STAB2: variants seen among roughly 807,000 people sequenced by gnomAD.
STAB2 encodes the protein stabilin 2, also known as stabilin-2.
STAB2 carries 288 observed loss-of-function variants against 338.1 expected under a neutral mutation model. The observed-to-expected ratio is 0.85, with a 90% CI of 0.77 to 0.94. The LOEUF (loss-of-function observed/expected upper bound fraction) is 0.94, where lower values mean the gene tolerates loss of function less well. Among genes scored for constraint, STAB2 ranks in the 40% least tolerant of loss-of-function variants. The pLI, the probability that STAB2 is intolerant of heterozygous loss-of-function variation, is 0.00. For synonymous variants in STAB2, 1,202 were observed against 1,193.3 expected (o/e 1.01, Z -0.15); for missense variants, 3,141 against 3,210.1 (o/e 0.98, Z 0.52).
intron 2 of STAB2, 43 bp downstream of exon 2, chr12:103,591,073 T>G: frequency 6.2e-7 from 1 of 1,609,758 alleles, no homozygotes; most frequent in Non-Finnish European, 8.5e-7. Context: ...TGAATCCAAC[T>G]TGAAGCTCCC....
intron 5 of STAB2, among the ~76,000 whole-genome samples, chr12:103,627,570 C>A (rs1274583751): frequency 6.6e-6 from 1 of 152,254 alleles, no homozygotes; most frequent in Admixed American, 6.5e-5. Flanking sequence ...CCACTTACGT[C>A]TCCTTCCCAA....
intron 49 of STAB2, 43 bp from the exon 50 acceptor site, chr12:103,731,533 T>G: frequency 6.2e-7 from 1 of 1,602,426 alleles, no homozygotes; most frequent in Non-Finnish European, 8.5e-7. Flanking sequence ...CCTCTTAAAC[T>G]GTATAAGGAA....
chr12:103,676,000 T>C lies in STAB2; in HGVS notation c.2625T>C (p.Thr875=). The change falls in exon 24 of 69, where the codon ACT becomes ACC. Residue 875 remains threonine (T), a synonymous_variant. Transcript: ENST00000388887. The stretch of plus-strand genomic sequence containing the variant: ...AGATGGACCCTTGCACAGGACTAAC[T>C]CCAGGAGGCTGTAGCCGCAATGTGA... ...CSEMDPCTGL[T]PGGCSRNAEC... The C allele has an allele frequency of 6.2e-7, 1 of 1,608,708 alleles. No individual in the cohort carries two copies. The highest frequency in any genetic ancestry group is 8.5e-7 in the Non-Finnish European group (1 of 1,177,982).
chr12:103,725,156 G>T, intron 45 of STAB2, 62 bp downstream of exon 45: 1 of 1,587,394 alleles, frequency 6.3e-7, no homozygotes, highest in Non-Finnish European at 8.6e-7. Context: ...AAGAATCCAG[G>T]TAGCTAAGGA....
chr12:103,625,820 T>C (rs1042436177), intron 5 of STAB2, among the ~76,000 whole-genome samples: 2 of 152,186 alleles, frequency 1.3e-5, no homozygotes. Context: ...AATAAACATG[T>C]GTGTGCATGT....
At position 103,667,729 on chromosome 12, in the gene STAB2, C is replaced by T. The variant is rs570149897; in HGVS notation, c.2086-914C>T. Among the ~76,000 whole-genome samples the T allele has an allele frequency of 2.6e-5, 4 of 152,254 alleles. No individual in the cohort carries two copies. The East Asian group carries it at 7.7e-4, about 29-fold the overall frequency. ...AGCTAATATTTTAGGATTTTATAGC[C>T]TAGGAAAGTCTCATTGCCCTCTTCT... On this transcript the variant is annotated intron_variant, in intron 19 of 68. Coordinates refer to ENST00000388887, the MANE Select transcript of STAB2 (RefSeq NM_017564.10).
intron 5 of STAB2, among the ~76,000 whole-genome samples, chr12:103,629,975 G>C (rs2138661492): frequency 6.6e-6 from 1 of 152,306 alleles, no homozygotes; most frequent in Non-Finnish European, 1.5e-5. Context: ...AAATAAAGTG[G>C]TGAAAGATGA....
At chr12:103,605,178 T>A (rs527533000) in intron 3 of STAB2, among the ~76,000 whole-genome samples, 1 of 152,096 alleles carries the variant, frequency 6.6e-6, no homozygotes, top group Non-Finnish European at 1.5e-5. Context: ...TTTCCAAATA[T>A]GTTTCTTTTA....
intron 25 of STAB2, among the ~76,000 whole-genome samples, chr12:103,682,158 GAT>G (rs1876971003): frequency 1.8e-5 from 1 of 54,480 alleles, no homozygotes; most frequent in Non-Finnish European, 4.2e-5. Context: ...CTGATGGGAA[GAT>G]GGGAAGATGG....
chr12:103,759,502 G>T (rs1284775454), intron 65 of STAB2, among the ~76,000 whole-genome samples: 2 of 152,204 alleles, frequency 1.3e-5, no homozygotes, highest in African/African-American at 2.4e-5. Context: ...GAAGGATAAT[G>T]AACCCATTTT....
chr12:103,740,513 G>C, intron 54 of STAB2, 117 bp from the exon 55 acceptor site: 1 of 1,418,718 alleles, frequency 7.0e-7, no homozygotes, highest in Non-Finnish European at 9.3e-7. Context: ...GCTCACACTG[G>C]AAGTCCCATT....
In STAB2 at chr12:103,662,875, G is replaced by T. The variant is rs771707659; in HGVS notation, c.1899G>T (p.Met633Ile). Residue 633 changes from methionine (M) to isoleucine (I), a missense_variant, in exon 18 of 69, where the codon ATG becomes ATT. By Grantham distance (10) the Met-to-Ile change is conservative. Coordinates refer to ENST00000388887, the MANE Select transcript of STAB2 (RefSeq NM_017564.10). ...AGATTCTGGCAAATGATGTGGCAAT[G>T]GAAGAAATTGAGATCACTGCCAAAA... ...NGQILANDVA[M>I]EEIEITAKNG... 1.2e-6 allele frequency: 2 copies of T among 1,614,028 alleles called. No individual in the cohort carries two copies. Among genetic ancestry groups the T allele is most frequent in the East Asian group, 4.5e-5 (2 of 44,896 alleles).
At position 103,734,966 on chromosome 12, in the gene STAB2, A is replaced by G. The variant is rs1881992231; in HGVS notation, c.5461-525A>G. Among the ~76,000 whole-genome samples the G allele has an allele frequency of 2.0e-5, 3 of 152,110 alleles. No individual in the cohort carries two copies. The South Asian group carries it at 6.2e-4, about 31-fold the overall frequency. On this transcript the variant is annotated intron_variant, in intron 51 of 68. Transcript: ENST00000388887. ...GTGTGTTTCTGTGCCTTCACGTAGC[A>G]TTTGCCTCTTCTTTCTTATAAGAAC...
chr12:103,618,370 G>A (rs1422956261), intron 3 of STAB2, among the ~76,000 whole-genome samples: 1 of 152,158 alleles, frequency 6.6e-6, no homozygotes, highest in Non-Finnish European at 1.5e-5. Flanking sequence ...CACAGAATCT[G>A]CCAGAACCTC....
intron 63 of STAB2, among the ~76,000 whole-genome samples, chr12:103,756,654 G>A (rs924124214): frequency 3.3e-5 from 5 of 152,128 alleles, no homozygotes; most frequent in Admixed American, 6.6e-5. Flanking sequence ...TTTCGAGTAC[G>A]GAACAAGGAC....
rs555551025 is a variant in STAB2, at chr12:103,669,346, G to A, written c.2173-195G>A. 1.7e-4 allele frequency: 97 copies of A among 584,272 alleles called. No homozygotes were observed. In the East Asian group the frequency reaches 2.7e-3, roughly 16 times the overall value. The allele number at this position is 584,272 out of a possible 1,614,324, so 36.2% of individuals were successfully genotyped here. A position where few individuals can be genotyped will look rare whatever the true frequency, so the allele number is the denominator to read the frequency against. On this transcript the variant is annotated intron_variant, in intron 20 of 68. Coordinates refer to ENST00000388887, the MANE Select transcript of STAB2 (RefSeq NM_017564.10). ...AGTGTTAGAGCCAGTCCAGCACCCA[G>A]GGGAGGGGCTCAGTAGAGTTGTGGT...
intron 3 of STAB2, among the ~76,000 whole-genome samples, chr12:103,597,367 C>G (rs703600): frequency 0.41 from 62,720 of 152,052 alleles, 14,560 homozygotes; most frequent in East Asian, 0.62. Flanking sequence ...GCAAATGGAA[C>G]ATCCACTTCC....
At chr12:103,674,186 A>G (rs759706669) in intron 23 of STAB2, 99 bp downstream of exon 23, 31 of 1,363,700 alleles carry the variant, frequency 2.3e-5, no homozygotes, top group Non-Finnish European at 3.0e-5. Context: ...GAGCCAACCC[A>G]TATCTGAACT....
At chr12:103,608,670 T>G (rs1957072639) in intron 3 of STAB2, among the ~76,000 whole-genome samples, 1 of 152,234 alleles carries the variant, frequency 6.6e-6, no homozygotes. Context: ...TCTTTTGCTG[T>G]GCAGAAGCTC....
Sources: gnomAD v4.1 joint callset for allele counts (sites outside exome capture counted in the v4.1 genomes callset) on GRCh38, gnomAD v4.1.1 for gene constraint, MANE v1.5 for transcripts, NCBI Gene and HGNC (gene_info 2026-07-23, HGNC 2026-07-21) for gene names.